Variants in TNIK observed in about 807,000 individuals in gnomAD.
TNIK encodes the protein TRAF2 and NCK-interacting protein kinase.
Under a neutral mutation model 191.3 loss-of-function variants are expected in TNIK, and 49 were observed. That is an observed-to-expected ratio of 0.26 (90% confidence interval 0.20 to 0.32). TNIK has a LOEUF of 0.32. TNIK is among the 10% of genes least tolerant of loss of function. TNIK has a pLI of 1.00. For missense variants in TNIK, 1,155 were observed against 1,702.3 expected (o/e 0.68, Z 5.66); for synonymous variants, 594 against 600.9 (o/e 0.99, Z 0.17).
At chr3:171,086,831 GTTTC>G (rs1440483120) in intron 24 of TNIK, among the ~76,000 whole-genome samples, 1 of 152,210 alleles carries the variant, frequency 6.6e-6, no homozygotes, top group Non-Finnish European at 1.5e-5. Context: ...GTAATGCTTG[GTTTC>G]TTTCTTCTCA....
At chr3:171,146,619 C>T (rs1449634249) in intron 12 of TNIK, among the ~76,000 whole-genome samples, 3 of 151,932 alleles carry the variant, frequency 2.0e-5, no homozygotes, top group Non-Finnish European at 4.4e-5. Flanking sequence ...GTTTGATGGC[C>T]GGGCTCACAC....
At chr3:171,378,001 G>A (rs1208277008) in intron 1 of TNIK, among the ~76,000 whole-genome samples, 1 of 152,172 alleles carries the variant, frequency 6.6e-6, no homozygotes, top group Non-Finnish European at 1.5e-5. Context: ...AGGCCTTGTG[G>A]GTTAACAATA....
At chr3:171,206,335 G>GTATATATATATATATA (rs60356829) in intron 4 of TNIK, among the ~76,000 whole-genome samples, 7,992 of 132,308 alleles carry the variant, frequency 0.06, 345 homozygotes, top group Non-Finnish European at 0.072. Flanking sequence ...ATATGTTCGT[G>GTATATATATATATATA]TATATATATA....
rs13074171 is a variant in TNIK, at chr3:171,125,993, C to T, written c.1932G>A (p.Ser644=). 10 of 1,613,678 alleles carry T rather than the reference C, an allele frequency of 6.2e-6. No individual in the cohort carries two copies. The highest frequency in any genetic ancestry group is 4.0e-5 in the African/African-American group (3 of 74,850). Residue 644 remains serine (S), a synonymous_variant, in exon 17 of 33, where the codon TCG becomes TCA. Transcript: ENST00000436636. ...TGCGAGTGGGGAGAGGAGGATTTTC[C>T]GAGGTGGGATCTGAGTTCTGGCGTG... ...EMPRQNSDPT[S]ENPPLPTRIE...
At position 171,161,346 on chromosome 3, in the gene TNIK, G is replaced by T; in HGVS notation, c.950-10C>A. 6.2e-7 allele frequency: 1 copy of T among 1,610,468 alleles called. No individual in the cohort carries two copies. Among genetic ancestry groups the T allele is most frequent in the South Asian group, 1.1e-5 (1 of 90,532 alleles). ...TCATACTCTGTCTCATCTGAAGAAA[G>T]ATCCCAGCATGTTAGTGCACAAAAA... On this transcript the variant is annotated splice_polypyrimidine_tract_variant and intron_variant, in intron 10 of 32. Coordinates refer to ENST00000436636, the MANE Select transcript of TNIK (RefSeq NM_015028.4).
rs151241905 is a variant in TNIK, at chr3:171,113,334, G to A, written c.2121-2457C>T. Among the ~76,000 whole-genome samples, 37 of 152,170 alleles carry A rather than the reference G, an allele frequency of 2.4e-4. No individual in the cohort carries two copies. The East Asian group carries it at 6.4e-3, about 26-fold the overall frequency. On this transcript the variant is annotated intron_variant, in intron 18 of 32. Transcript: ENST00000436636. ...ATAAAATGCTAATTCGGCCAGGCACGGTGGCTCACGCCTGTAATCCCATCA... is the reference window on the plus strand; with the variant it reads ...ATAAAATGCTAATTCGGCCAGGCACAGTGGCTCACGCCTGTAATCCCATCA...
In TNIK at chr3:171,219,365, T is replaced by TAC. The variant is rs1236430652; in HGVS notation, c.181-8125_181-8124insGT. On this transcript the variant is annotated intron_variant, in intron 3 of 32. Coordinates refer to ENST00000436636, the MANE Select transcript of TNIK (RefSeq NM_015028.4). ...CATTTTATATATAATGATGTGTATA[T>TAC]ATATATAATGATATACATATAATAC... Among the ~76,000 whole-genome samples the TAC allele has an allele frequency of 5.4e-5, 8 of 147,142 alleles. No homozygotes were observed. The Admixed American group carries it at 5.6e-4, about 10-fold the overall frequency.
At chr3:171,170,719 A>G (rs1735163754) in intron 9 of TNIK, among the ~76,000 whole-genome samples, 1 of 152,198 alleles carries the variant, frequency 6.6e-6, no homozygotes, top group Non-Finnish European at 1.5e-5. Flanking sequence ...ATTGGACTTA[A>G]GGAACACAGC....
chr3:171,325,363 C>G (rs1350484938), intron 2 of TNIK, among the ~76,000 whole-genome samples: 1 of 152,020 alleles, frequency 6.6e-6, no homozygotes, highest in African/African-American at 2.4e-5. Flanking sequence ...ATCTGAGTAG[C>G]CTCCAAATAT....
chr3:171,260,549 G>A (rs1204498441), intron 2 of TNIK, among the ~76,000 whole-genome samples: 1 of 152,162 alleles, frequency 6.6e-6, no homozygotes, highest in Non-Finnish European at 1.5e-5. Context: ...AGTGACTAGG[G>A]TACAGAGGCT....
chr3:171,120,701 TTGA>T (rs1410989581), intron 18 of TNIK, among the ~76,000 whole-genome samples: 1 of 152,146 alleles, frequency 6.6e-6, no homozygotes, highest in East Asian at 1.9e-4. Flanking sequence ...ACTGGTCTCC[TTGA>T]TGGTTCTCTA....
At chr3:171,406,534 A>T (rs1440222261) in intron 1 of TNIK, among the ~76,000 whole-genome samples, 1 of 152,164 alleles carries the variant, frequency 6.6e-6, no homozygotes, top group Non-Finnish European at 1.5e-5. Flanking sequence ...GGCTCAAGCC[A>T]TCCTCCTGCC....
chr3:171,423,409 A>C (rs941118463), intron 1 of TNIK, among the ~76,000 whole-genome samples: 1 of 152,152 alleles, frequency 6.6e-6, no homozygotes, highest in African/African-American at 2.4e-5. Flanking sequence ...CATACTGCCC[A>C]AGGTAATTTA....
chr3:171,257,223 G>A (rs190035711), intron 2 of TNIK, among the ~76,000 whole-genome samples: 113 of 152,236 alleles, frequency 7.4e-4, no homozygotes, highest in African/African-American at 2.4e-3. Flanking sequence ...CAGGGCAGGC[G>A]GTACTCTAGA....
chr3:171,459,172 G>A (rs1729116577), intron 1 of TNIK, among the ~76,000 whole-genome samples: 1 of 152,064 alleles, frequency 6.6e-6, no homozygotes, highest in Non-Finnish European at 1.5e-5. Context: ...GGGGCTGGGG[G>A]GAGGGAGGTG....
chr3:171,459,439 C>A (rs1328037779), intron 1 of TNIK, among the ~76,000 whole-genome samples: 8 of 152,020 alleles, frequency 5.3e-5, no homozygotes, highest in Non-Finnish European at 1.5e-5. Flanking sequence ...GGCGCCCGGG[C>A]GCGGGAGGTA....
At chr3:171,369,986 T>C (rs1716275602) in intron 1 of TNIK, among the ~76,000 whole-genome samples, 1 of 152,180 alleles carries the variant, frequency 6.6e-6, no homozygotes, top group Non-Finnish European at 1.5e-5. Context: ...CACTGTTAAA[T>C]GGAAAAACAC....
At chr3:171,262,294 C>T (rs1444855364) in intron 2 of TNIK, among the ~76,000 whole-genome samples, 1 of 152,058 alleles carries the variant, frequency 6.6e-6, no homozygotes, top group Non-Finnish European at 1.5e-5. Flanking sequence ...CATCACACCC[C>T]ACCCCACCCC....
At position 171,261,440 on chromosome 3, in the gene TNIK, C is replaced by T. The variant is rs1364481590; in HGVS notation, c.124-33219G>A. The stretch of plus-strand genomic sequence containing the variant: ...ACTTACTTATTTGCATGCCTGTCTT[C>T]CCTACTAAATGTCAATCTACTTTCA... On this transcript the variant is annotated intron_variant, in intron 2 of 32. Coordinates refer to ENST00000436636, the MANE Select transcript of TNIK (RefSeq NM_015028.4). Among the ~76,000 whole-genome samples the T allele has an allele frequency of 4.6e-5, 7 of 152,266 alleles. No individual in the cohort carries two copies. In the South Asian group the frequency reaches 1.2e-3, roughly 27 times the overall value.
Sources: allele counts gnomAD v4.1 joint callset (sites outside exome capture counted in the v4.1 genomes callset), GRCh38; gene constraint gnomAD v4.1.1; transcripts MANE v1.5; gene names NCBI Gene and HGNC (gene_info 2026-07-23, HGNC 2026-07-21).